Variants in GPHN observed in about 807,000 individuals in gnomAD.
The protein encoded by GPHN is gephyrin.
In GPHN, 17 loss-of-function variants were observed where a neutral mutation model predicts 95.5. That is an observed-to-expected ratio of 0.18 (90% confidence interval 0.12 to 0.27). The LOEUF (loss-of-function observed/expected upper bound fraction) is 0.27. Among genes scored for constraint, GPHN ranks in the 10% least tolerant of loss-of-function variants. The pLI is 1.00. For synonymous variants in GPHN, 320 were observed against 322.5 expected, an observed-to-expected ratio of 0.99 and a Z score of 0.08; for missense variants, 660 against 978.1, an observed-to-expected ratio of 0.67 and a Z score of 4.34.
chr14:67,678,480 G>T, the GPHN span: 1 of 1,173,576 alleles, frequency 8.5e-7, no homozygotes, highest in Non-Finnish European at 1.3e-6. Context: ...TCTGCCATCT[G>T]CCAGGGATAA....
the GPHN span, chr14:67,718,028 T>G: frequency 1.3e-5 from 2 of 152,204 alleles, no homozygotes; most frequent in African/African-American, 4.8e-5. Context: ...GTGTGTTTAT[T>G]TTAGCTTTTA....
At chr14:67,511,716 C>T in the GPHN span, among the ~76,000 whole-genome samples, 1 of 152,204 alleles carries the variant, frequency 6.6e-6, no homozygotes, top group Non-Finnish European at 1.5e-5. Context: ...AGGGGGCCAG[C>T]ATCACTCTGT....
the GPHN span, among the ~76,000 whole-genome samples, chr14:67,345,338 C>G: frequency 6.6e-6 from 1 of 152,048 alleles, no homozygotes; most frequent in South Asian, 2.1e-4. Context: ...GGGTGGATCA[C>G]CTGAAGTCAG....
At chr14:66,811,916 G>A (rs187632723) in intron 3 of GPHN, among the ~76,000 whole-genome samples, 5 of 152,292 alleles carry the variant, frequency 3.3e-5, no homozygotes, top group Non-Finnish European at 5.9e-5. Context: ...CTATCTGAAA[G>A]CACTGGAGAG....
intron 8 of GPHN, among the ~76,000 whole-genome samples, chr14:66,951,390 C>T (rs1306411944): frequency 6.6e-6 from 1 of 151,766 alleles, no homozygotes; most frequent in African/African-American, 2.4e-5. Context: ...GTGGTGCATG[C>T]CTGTAGTCCC....
At chr14:66,662,421 A>G (rs2065715056) in intron 1 of GPHN, among the ~76,000 whole-genome samples, 1 of 152,166 alleles carries the variant, frequency 6.6e-6, no homozygotes, top group South Asian at 2.1e-4. Context: ...AGCAAACCAC[A>G]GCAGCCCTGT....
At chr14:66,728,984 T>A (rs562489748) in intron 2 of GPHN, among the ~76,000 whole-genome samples, 1 of 152,268 alleles carries the variant, frequency 6.6e-6, no homozygotes, top group African/African-American at 2.4e-5. Flanking sequence ...GGGAGGTAAT[T>A]GAATAATGGG....
At chr14:67,561,469 T>G in the GPHN span, among the ~76,000 whole-genome samples, 1 of 151,950 alleles carries the variant, frequency 6.6e-6, no homozygotes, top group Non-Finnish European at 1.5e-5. Flanking sequence ...GAGGCTAAGG[T>G]GGGAGGATGG....
chr14:67,729,882 A>G, the GPHN span: 6 of 449,648 alleles, frequency 1.3e-5, no homozygotes, highest in Non-Finnish European at 2.7e-5. Context: ...ATGAGCAACT[A>G]GAGTCTGGGA....
At chr14:67,693,228 G>A in the GPHN span, among the ~76,000 whole-genome samples, 1 of 152,214 alleles carries the variant, frequency 6.6e-6, no homozygotes, top group African/African-American at 2.4e-5. Flanking sequence ...AAAGTTTTCT[G>A]CTTTTGCTCA....
At chr14:67,723,422 T>TG in the GPHN span, among the ~76,000 whole-genome samples, 4 of 152,204 alleles carry the variant, frequency 2.6e-5, no homozygotes, top group South Asian at 8.3e-4. Flanking sequence ...TTTGTGGAGA[T>TG]GGGGGTCTCA....
intron 8 of GPHN, among the ~76,000 whole-genome samples, chr14:66,939,667 T>C (rs79490027): frequency 0.013 from 2,003 of 152,246 alleles, 23 homozygotes; most frequent in Non-Finnish European, 0.02. Flanking sequence ...TCTCCAGGGA[T>C]CCTCTGCCTT....
chr14:66,789,477 G>A (rs1042047906), intron 3 of GPHN, among the ~76,000 whole-genome samples: 7 of 152,136 alleles, frequency 4.6e-5, no homozygotes, highest in African/African-American at 1.7e-4. Context: ...TAGTTAAAAG[G>A]TTTTTCACTT....
the GPHN span, among the ~76,000 whole-genome samples, chr14:67,728,722 C>T: frequency 7.0e-6 from 1 of 143,786 alleles, no homozygotes. Flanking sequence ...GGTGTTAATC[C>T]CCCACAATCT....
At chr14:66,681,716 CATATCTTTCTA>C (rs1170097859) in intron 2 of GPHN, among the ~76,000 whole-genome samples, 1 of 152,046 alleles carries the variant, frequency 6.6e-6, no homozygotes, top group Admixed American at 6.6e-5. Flanking sequence ...TCTTTATTGG[CATATCTTTCTA>C]ATACATATAC....
chr14:67,606,108 T>G, the GPHN span, among the ~76,000 whole-genome samples: 1 of 152,292 alleles, frequency 6.6e-6, no homozygotes, highest in African/African-American at 2.4e-5. Context: ...CATAGTTTAC[T>G]TACTGTCACC....
chr14:67,610,468 G>T, the GPHN span, among the ~76,000 whole-genome samples: 9 of 152,068 alleles, frequency 5.9e-5, no homozygotes, highest in African/African-American at 2.2e-4. Flanking sequence ...TTGTGGTAGG[G>T]GCTTGAACAT....
At chr14:67,183,938 G>A (rs894936202), downstream of GPHN, among the ~76,000 whole-genome samples, 1 of 151,688 alleles carries the variant, frequency 6.6e-6, no homozygotes, top group Non-Finnish European at 1.5e-5. Context: ...CTGCAGCCTT[G>A]ACCTCCCTGG....
intron 2 of GPHN, among the ~76,000 whole-genome samples, chr14:66,690,110 T>A (rs1566823879): frequency 6.6e-6 from 1 of 152,084 alleles, no homozygotes; most frequent in Non-Finnish European, 1.5e-5. Context: ...TTGATTTTCT[T>A]GTTCCTTAAG....
Sources: allele counts gnomAD v4.1 joint callset (sites outside exome capture counted in the v4.1 genomes callset), GRCh38; gene constraint gnomAD v4.1.1; transcripts MANE v1.5; gene names NCBI Gene and HGNC (gene_info 2026-07-23, HGNC 2026-07-21).